Variants in PPP1R1C observed in about 807,000 individuals in gnomAD.
The protein encoded by PPP1R1C is protein phosphatase 1 regulatory inhibitor subunit 1C.
PPP1R1C carries 15 observed loss-of-function variants against 17.4 expected under a neutral mutation model. The observed-to-expected ratio is 0.86, with a 90% CI of 0.58 to 1.33. PPP1R1C has a LOEUF of 1.33. Among genes scored for constraint, PPP1R1C ranks in the 40% most tolerant of loss-of-function variants. The pLI, the probability that PPP1R1C is intolerant of heterozygous loss-of-function variation, is 0.00. For missense variants in PPP1R1C, 143 were observed against 130.0 expected, an observed-to-expected ratio of 1.10 and a Z score of -0.48; for synonymous variants, 35 against 43.1, an observed-to-expected ratio of 0.81 and a Z score of 0.73.
In PPP1R1C at chr2:181,994,607, A is replaced by C. The variant is rs1387796520; in HGVS notation, c.142+6708A>C. ...AAGATTTCCCTGAATAATCTGACCC[A>C]TTGTCTGGTCATGTTAGTCTAATAT... On this transcript the variant is annotated intron_variant, in intron 2 of 4. Coordinates refer to ENST00000682840, the MANE Select transcript of PPP1R1C (RefSeq NM_001080545.3). Among the ~76,000 whole-genome samples, 3 of 152,258 alleles carry C rather than the reference A, an allele frequency of 2.0e-5. No homozygotes were observed. The East Asian group carries it at 5.8e-4, about 29-fold the overall frequency.
chr2:182,064,603 A>G (rs1181240329), intron 4 of PPP1R1C, among the ~76,000 whole-genome samples: 2 of 151,970 alleles, frequency 1.3e-5, no homozygotes, highest in African/African-American at 4.8e-5. Context: ...CCCACTCTGT[A>G]TTTGCTCTAG....
intron 1 of PPP1R1C, among the ~76,000 whole-genome samples, chr2:181,968,010 C>G (rs137953991): frequency 6.6e-6 from 1 of 152,188 alleles, no homozygotes; most frequent in African/African-American, 2.4e-5. Flanking sequence ...CCACTGTGCC[C>G]GGCCTGTTAT....
At chr2:181,988,897 T>G (rs1379016507) in intron 2 of PPP1R1C, among the ~76,000 whole-genome samples, 1 of 152,180 alleles carries the variant, frequency 6.6e-6, no homozygotes, top group African/African-American at 2.4e-5. Context: ...TTATTTCTGT[T>G]GAAAATGAAT....
At chr2:182,024,685 T>C (rs1353759170) in intron 2 of PPP1R1C, among the ~76,000 whole-genome samples, 1 of 151,912 alleles carries the variant, frequency 6.6e-6, no homozygotes, top group Non-Finnish European at 1.5e-5. Context: ...TGAAACCTTG[T>C]TTCTACTAAA....
chr2:182,124,328 T>TTTTTTTTTTTTTTTTTTTTTTTTG (rs1689817983), intron 5 of PPP1R1C, among the ~76,000 whole-genome samples: 3 of 55,598 alleles, frequency 5.4e-5, no homozygotes, highest in Non-Finnish European at 9.7e-5. Context: ...TTTTTTTTTG[T>TTTTTTTTTTTTTTTTTTTTTTTTG]TTTTTTTTTT....
chr2:182,058,647 A>T (rs936094079), intron 2 of PPP1R1C, among the ~76,000 whole-genome samples: 1 of 152,138 alleles, frequency 6.6e-6, no homozygotes, highest in Non-Finnish European at 1.5e-5. Flanking sequence ...CATTTCACAC[A>T]TGAGGAAAAC....
At chr2:182,026,867 G>C in intron 2 of PPP1R1C, among the ~76,000 whole-genome samples, 1 of 148,660 alleles carries the variant, frequency 6.7e-6, no homozygotes, top group Non-Finnish European at 1.5e-5. Flanking sequence ...CCATTTGTTT[G>C]TATCCTCTTT....
chr2:182,021,277 T>C (rs1490330515), intron 2 of PPP1R1C, among the ~76,000 whole-genome samples: 1 of 151,486 alleles, frequency 6.6e-6, no homozygotes, highest in Non-Finnish European at 1.5e-5. Context: ...GCTATTCATA[T>C]GGCCCAAGCC....
At chr2:182,059,456 T>C (rs1460309620) in intron 2 of PPP1R1C, among the ~76,000 whole-genome samples, 1 of 151,932 alleles carries the variant, frequency 6.6e-6, no homozygotes, top group African/African-American at 2.4e-5. Context: ...TAAAGACTTC[T>C]GGGACTGCCA....
intron 2 of PPP1R1C, among the ~76,000 whole-genome samples, chr2:182,030,492 CCTGCTGGGGGGTGCCTCCCAGTTAGG>C (rs1354557210): frequency 1.3e-5 from 2 of 150,402 alleles, no homozygotes; most frequent in Admixed American, 1.3e-4. Context: ...TCAGTGTGCC[CCTGCTGGGGGGTGCCTCCCAGTTAGG>C]CTGCTCGGGG....
At chr2:181,993,143 C>T (rs1046060789) in intron 2 of PPP1R1C, among the ~76,000 whole-genome samples, 20 of 152,094 alleles carry the variant, frequency 1.3e-4, no homozygotes, top group Non-Finnish European at 2.9e-5. Flanking sequence ...TTGTTCAAAA[C>T]GCAAGGGGGC....
At chr2:182,087,647 T>C (rs1327157608) in intron 4 of PPP1R1C, among the ~76,000 whole-genome samples, 1 of 152,074 alleles carries the variant, frequency 6.6e-6, no homozygotes, top group Non-Finnish European at 1.5e-5. Context: ...GGACTCTGAG[T>C]GACTGTGACT....
chr2:181,990,714 A>G (rs545709756), intron 2 of PPP1R1C, among the ~76,000 whole-genome samples: 8 of 152,334 alleles, frequency 5.3e-5, no homozygotes, highest in Admixed American at 3.9e-4. Context: ...TTTTCCACAC[A>G]TTATTTGAAC....
chr2:182,071,546 G>C (rs537295872), intron 4 of PPP1R1C, among the ~76,000 whole-genome samples: 1 of 152,016 alleles, frequency 6.6e-6, no homozygotes, highest in Non-Finnish European at 1.5e-5. Flanking sequence ...TTTTTACTCC[G>C]TTTCCATACT....
chr2:182,038,466 TA>T (rs199823813), intron 2 of PPP1R1C, among the ~76,000 whole-genome samples: 1,845 of 152,290 alleles, frequency 0.012, 19 homozygotes, highest in South Asian at 0.038. Context: ...TGATATTTTT[TA>T]TTGACGACTT....
chr2:182,091,474 T>TA (rs372452170), intron 4 of PPP1R1C, among the ~76,000 whole-genome samples: 5,765 of 136,870 alleles, frequency 0.042, 271 homozygotes, highest in Admixed American at 0.14. Context: ...CTGTTTTTCT[T>TA]AAAAAAAAAA....
chr2:182,038,080 C>G (rs574581715), intron 2 of PPP1R1C, among the ~76,000 whole-genome samples: 1 of 152,008 alleles, frequency 6.6e-6, no homozygotes, highest in East Asian at 1.9e-4. Context: ...CTCTGTTGCC[C>G]AGGCTGGAGT....
chr2:182,109,990 GA>G (rs1425265197), intron 4 of PPP1R1C, among the ~76,000 whole-genome samples: 1 of 152,176 alleles, frequency 6.6e-6, no homozygotes, highest in African/African-American at 2.4e-5. Context: ...ATCGTCAGGT[GA>G]ACATAAGACT....
intron 2 of PPP1R1C, among the ~76,000 whole-genome samples, chr2:181,995,750 CT>C (rs765059591): frequency 0.039 from 5,540 of 141,794 alleles, 289 homozygotes; most frequent in African/African-American, 0.12. Flanking sequence ...AAATTTCTTC[CT>C]TTTTTTTTTT....
Sources: allele counts gnomAD v4.1 joint callset (sites outside exome capture counted in the v4.1 genomes callset), GRCh38; gene constraint gnomAD v4.1.1; transcripts MANE v1.5; gene names NCBI Gene and HGNC (gene_info 2026-07-23, HGNC 2026-07-21).